PTPRT: variants seen among roughly 807,000 people sequenced by gnomAD.
PTPRT encodes protein tyrosine phosphatase receptor type T, also known as receptor-type tyrosine-protein phosphatase T.
Under a neutral mutation model 176.8 loss-of-function variants are expected in PTPRT, and 56 were observed. That is an observed-to-expected ratio of 0.32 (90% CI 0.26 to 0.40). The LOEUF (loss-of-function observed/expected upper bound fraction) is 0.40. PTPRT is among the 10% of genes least tolerant of loss of function. The pLI, the probability that PTPRT is intolerant of heterozygous loss-of-function variation, is 1.00. For synonymous variants in PTPRT, 783 were observed against 739.0 expected (o/e 1.06, Z -0.96); for missense variants, 1,540 against 1,908.2 (o/e 0.81, Z 3.60).
intron 6 of PTPRT, among the ~76,000 whole-genome samples, chr20:42,724,690 T>TG (rs1248673449): frequency 6.6e-6 from 1 of 152,148 alleles, no homozygotes; most frequent in African/African-American, 2.4e-5. Context: ...CCCAACACTT[T>TG]GGGAGGCCAA....
At chr20:42,273,890 C>T (rs1204781325) in intron 13 of PTPRT, among the ~76,000 whole-genome samples, 3 of 152,174 alleles carry the variant, frequency 2.0e-5, no homozygotes, top group East Asian at 1.9e-4. Flanking sequence ...GAGGTACCTC[C>T]CCACTCCATC....
At chr20:42,399,941 C>T (rs1248043467) in intron 9 of PTPRT, among the ~76,000 whole-genome samples, 1 of 152,166 alleles carries the variant, frequency 6.6e-6, no homozygotes, top group Admixed American at 6.6e-5. Context: ...TGGCCTGTAA[C>T]TTGGTTGCCT....
intron 7 of PTPRT, among the ~76,000 whole-genome samples, chr20:42,517,519 CT>C (rs1289477011): frequency 1.3e-5 from 2 of 151,618 alleles, no homozygotes; most frequent in African/African-American, 4.8e-5. Flanking sequence ...CTGTTTCTAC[CT>C]TAATTATTTC....
intron 7 of PTPRT, among the ~76,000 whole-genome samples, chr20:42,489,120 C>A (rs930723798): frequency 7.0e-6 from 1 of 143,594 alleles, no homozygotes; most frequent in Non-Finnish European, 1.5e-5. Flanking sequence ...TTAAATTATA[C>A]TTTAAGTTTT....
intron 1 of PTPRT, among the ~76,000 whole-genome samples, chr20:43,141,327 G>A (rs534295037): frequency 3.3e-5 from 5 of 152,324 alleles, no homozygotes; most frequent in South Asian, 2.1e-4. Flanking sequence ...GCGAGGCTCA[G>A]TTATGCATCT....
At chr20:42,395,030 T>C (rs2058835619) in intron 9 of PTPRT, among the ~76,000 whole-genome samples, 1 of 152,222 alleles carries the variant, frequency 6.6e-6, no homozygotes, top group Admixed American at 6.5e-5. Flanking sequence ...TGGACAAGTG[T>C]GAGGAAAGCA....
At chr20:42,450,465 T>C (rs1039642453) in intron 8 of PTPRT, among the ~76,000 whole-genome samples, 4 of 152,234 alleles carry the variant, frequency 2.6e-5, no homozygotes, top group African/African-American at 9.6e-5. Context: ...TTCAGCCTAA[T>C]TAGCCATTCA....
intron 18 of PTPRT, among the ~76,000 whole-genome samples, chr20:42,140,450 T>C (rs2146410812): frequency 6.6e-6 from 1 of 152,348 alleles, no homozygotes; most frequent in South Asian, 2.1e-4. Flanking sequence ...CCTACGAATA[T>C]TTGGCAGTGA....
intron 7 of PTPRT, among the ~76,000 whole-genome samples, chr20:42,583,922 C>T (rs2073424264): frequency 1.3e-5 from 2 of 152,298 alleles, no homozygotes; most frequent in Admixed American, 1.3e-4. Flanking sequence ...ATTTCTCCCA[C>T]TATGTCTTCC....
intron 1 of PTPRT, among the ~76,000 whole-genome samples, chr20:42,973,999 G>A (rs1412880144): frequency 1.3e-5 from 2 of 152,114 alleles, no homozygotes; most frequent in Non-Finnish European, 2.9e-5. Flanking sequence ...ACAGCTGAGA[G>A]TGTGTAGAAT....
chr20:43,122,617 G>C (rs1262354391), intron 1 of PTPRT, among the ~76,000 whole-genome samples: 1 of 152,178 alleles, frequency 6.6e-6, no homozygotes, highest in Non-Finnish European at 1.5e-5. Flanking sequence ...GTTCATCCAA[G>C]ATCTGGTTGT....
chr20:42,841,296 T>C (rs1419532314), intron 2 of PTPRT, among the ~76,000 whole-genome samples: 1 of 152,162 alleles, frequency 6.6e-6, no homozygotes, highest in Non-Finnish European at 1.5e-5. Context: ...CTGAACATCC[T>C]TGGGCAAATC....
chr20:42,402,244 T>A (rs1281814866), intron 9 of PTPRT, among the ~76,000 whole-genome samples: 1 of 152,088 alleles, frequency 6.6e-6, no homozygotes, highest in Admixed American at 6.6e-5. Context: ...TGACTTGAGA[T>A]TTGTGTTAGC....
intron 15 of PTPRT, among the ~76,000 whole-genome samples, chr20:42,215,424 T>C (rs2055745407): frequency 6.6e-6 from 1 of 152,240 alleles, no homozygotes; most frequent in Admixed American, 6.5e-5. Flanking sequence ...GCATGGTCTT[T>C]GGCATATAAA....
At chr20:42,723,983 T>G (rs1022321837) in intron 6 of PTPRT, among the ~76,000 whole-genome samples, 1 of 152,162 alleles carries the variant, frequency 6.6e-6, no homozygotes, top group African/African-American at 2.4e-5. Flanking sequence ...TCATATTACC[T>G]CTCCGAGGCT....
intron 1 of PTPRT, among the ~76,000 whole-genome samples, chr20:42,898,020 T>C (rs1002509650): frequency 6.6e-6 from 1 of 152,204 alleles, no homozygotes; most frequent in Non-Finnish European, 1.5e-5. Flanking sequence ...AGAAACTGTA[T>C]CTGAGTCTGC....
intron 6 of PTPRT, among the ~76,000 whole-genome samples, chr20:42,691,328 G>T (rs1192479995): frequency 6.6e-6 from 1 of 152,226 alleles, no homozygotes; most frequent in Non-Finnish European, 1.5e-5. Flanking sequence ...CAGTTGCTAC[G>T]CTACCAGCCA....
At chr20:42,635,560 T>C (rs2074577800) in intron 7 of PTPRT, among the ~76,000 whole-genome samples, 1 of 152,164 alleles carries the variant, frequency 6.6e-6, no homozygotes, top group Non-Finnish European at 1.5e-5. Flanking sequence ...ATTGTTATTA[T>C]TTTTGTTGCT....
intron 7 of PTPRT, among the ~76,000 whole-genome samples, chr20:42,594,114 T>C (rs2073627715): frequency 6.6e-6 from 1 of 151,762 alleles, no homozygotes; most frequent in Admixed American, 6.6e-5. Context: ...AAAGCAGGAG[T>C]ATCCGGAGAC....
Sources: gnomAD v4.1 joint callset for allele counts (sites outside exome capture counted in the v4.1 genomes callset) on GRCh38, gnomAD v4.1.1 for gene constraint, MANE v1.5 for transcripts, NCBI Gene and HGNC (gene_info 2026-07-23, HGNC 2026-07-21) for gene names.